ARHGAP6: variants seen among roughly 807,000 people sequenced by gnomAD.
ARHGAP6 encodes the protein Rho GTPase activating protein 6.
Under a neutral mutation model 55.7 loss-of-function variants are expected in ARHGAP6, and 16 were observed. That is an observed-to-expected ratio of 0.29 (90% CI 0.19 to 0.44). ARHGAP6 has a LOEUF of 0.44. ARHGAP6 is among the 20% of genes least tolerant of loss of function. ARHGAP6 has a pLI of 1.00. For missense variants in ARHGAP6, 698 were observed against 808.9 expected (o/e 0.86, Z 1.66); for synonymous variants, 382 against 360.9 (o/e 1.06, Z -0.66).
At position 11,658,589 on chromosome X, in the gene ARHGAP6, A is replaced by G. The variant is rs752493735; in HGVS notation, c.588+5652T>C. On this transcript the variant is annotated intron_variant, in intron 1 of 12. Coordinates refer to ENST00000337414, the MANE Select transcript of ARHGAP6 (RefSeq NM_013427.3). Reference sequence around the variant, plus strand: ...AAATTTAATTCCAGTTTCCATCATTATATATTTACCATTCACTTCTTCCCT... The same window carrying G: ...AAATTTAATTCCAGTTTCCATCATTGTATATTTACCATTCACTTCTTCCCT... Among the ~76,000 whole-genome samples, 10 of 109,045 alleles carry G rather than the reference A, an allele frequency of 9.2e-5. No individual in the cohort carries two copies. In the South Asian group the frequency reaches 1.2e-3, roughly 13 times the overall value. The allele number at this position is 109,045 out of a possible 115,157, so 94.7% of individuals were successfully genotyped here. A position where few individuals can be genotyped will look rare whatever the true frequency, so the allele number is the denominator to read the frequency against.
intron 1 of ARHGAP6, among the ~76,000 whole-genome samples, chrX:11,449,578 A>G (rs1193113374): frequency 8.9e-6 from 1 of 112,404 alleles, no homozygotes; most frequent in Non-Finnish European, 1.9e-5. Flanking sequence ...CTGCCCCTGT[A>G]CATGCCTTCT....
intron 2 of ARHGAP6, among the ~76,000 whole-genome samples, chrX:11,233,382 T>G (rs1295215755): frequency 9.0e-6 from 1 of 111,253 alleles, no homozygotes; most frequent in Non-Finnish European, 1.9e-5. Flanking sequence ...CATACCTGGC[T>G]TTGAAGTGTG....
chrX:11,303,035 T>A (rs926025615), intron 1 of ARHGAP6, among the ~76,000 whole-genome samples: 5 of 112,539 alleles, frequency 4.4e-5, no homozygotes, highest in Admixed American at 2.8e-4. Flanking sequence ...CTGTATTAAT[T>A]GGGAAAAAAT....
At chrX:11,658,576 A>G (rs1444599683) in intron 1 of ARHGAP6, among the ~76,000 whole-genome samples, 1 of 109,326 alleles carries the variant, frequency 9.1e-6, no homozygotes, top group Non-Finnish European at 1.9e-5. Context: ...ATTTAATTCC[A>G]GTTTCCATCA....
intron 10 of ARHGAP6, among the ~76,000 whole-genome samples, chrX:11,144,545 A>G (rs776817331): frequency 2.7e-5 from 3 of 112,698 alleles, no homozygotes; most frequent in Non-Finnish European, 3.7e-5. Flanking sequence ...GGGCATCGCT[A>G]AGTGCCTCAG....
chrX:11,533,277 G>T (rs1415540148), intron 1 of ARHGAP6, among the ~76,000 whole-genome samples: 1 of 109,501 alleles, frequency 9.1e-6, no homozygotes, highest in Non-Finnish European at 1.9e-5. Flanking sequence ...TTTTCAAAAC[G>T]GCTCTATTTT....
rs3030687 is a variant in ARHGAP6 at position 11,230,610 on chromosome X, A to AGTGTGT, written c.748+23932_748+23937dup. On this transcript the variant is annotated intron_variant, in intron 2 of 12. Coordinates refer to ENST00000337414, the MANE Select transcript of ARHGAP6 (RefSeq NM_013427.3). ...GTTTTTGACCTTAAAAGTTATTAGG[A>AGTGTGT]GTGTGTGTGTGTGTGTGTGTGTGTG... 8.2e-3 allele frequency among the ~76,000 whole-genome samples: 807 copies of AGTGTGT among 98,147 alleles called. 6 individuals carry two copies. Among genetic ancestry groups the AGTGTGT allele is most frequent in the Middle Eastern group, 0.041 (8 of 193 alleles). 85.2% of individuals were successfully genotyped at this position (98,147 alleles called of 115,157 possible).
chrX:11,186,141 T>C lies in ARHGAP6; in HGVS notation c.1273+95A>G, dbSNP rs1272716715. On this transcript the variant is annotated intron_variant, in intron 5 of 12. Transcript: ENST00000337414. ...CAGTAAATTTCAGTTCAGAGCTTGA[T>C]CATTTGATCAAGCAGAATTGACATT... 3 of 835,540 alleles carry C rather than the reference T, an allele frequency of 3.6e-6. No individual in the cohort carries two copies. In the African/African-American group the frequency reaches 6.1e-5, roughly 17 times the overall value. The allele number at this position is 835,540 out of a possible 1,213,427, so 68.9% of individuals were successfully genotyped here.
intron 1 of ARHGAP6, among the ~76,000 whole-genome samples, chrX:11,645,357 T>C (rs1034063661): frequency 2.2e-4 from 24 of 110,967 alleles, no homozygotes; most frequent in Non-Finnish European, 4.0e-4. Flanking sequence ...TATGGACTAC[T>C]CAATGCTCCA....
chrX:11,445,560 G>A (rs978926371), intron 1 of ARHGAP6, among the ~76,000 whole-genome samples: 2 of 112,075 alleles, frequency 1.8e-5, no homozygotes, highest in Admixed American at 9.5e-5. Flanking sequence ...GAAGCCTAGG[G>A]CAGCAGCATG....
intron 9 of ARHGAP6, among the ~76,000 whole-genome samples, chrX:11,163,854 G>A (rs1324059656): frequency 8.9e-6 from 1 of 112,266 alleles, no homozygotes; most frequent in African/African-American, 3.2e-5. Context: ...CTCATGGAAC[G>A]ATGTTGGAGG....
At chrX:11,546,795 A>C (rs959678085) in intron 1 of ARHGAP6, among the ~76,000 whole-genome samples, 1 of 112,259 alleles carries the variant, frequency 8.9e-6, no homozygotes, top group Admixed American at 9.5e-5. Flanking sequence ...TCATTCAATA[A>C]AATATTATGC....
At chrX:11,540,919 T>C (rs1039343311) in intron 1 of ARHGAP6, among the ~76,000 whole-genome samples, 3 of 112,522 alleles carry the variant, frequency 2.7e-5, no homozygotes, top group Non-Finnish European at 5.6e-5. Context: ...GCACCAACCA[T>C]GGCAGAAGAA....
chrX:11,635,862 C>T (rs760062839), intron 1 of ARHGAP6, among the ~76,000 whole-genome samples: 7 of 112,093 alleles, frequency 6.2e-5, no homozygotes, highest in Non-Finnish European at 1.3e-4. Flanking sequence ...AAGGATAGGA[C>T]ATATCCCTTG....
intron 1 of ARHGAP6, among the ~76,000 whole-genome samples, chrX:11,483,108 G>A (rs2050474356): frequency 1.8e-5 from 2 of 111,871 alleles, no homozygotes; most frequent in African/African-American, 6.5e-5. Context: ...GCCCTCAGCA[G>A]ATATGAGGGA....
chrX:11,480,139 A>G (rs756291639), intron 1 of ARHGAP6, among the ~76,000 whole-genome samples: 32 of 111,776 alleles, frequency 2.9e-4, no homozygotes, highest in Non-Finnish European at 5.5e-4. Flanking sequence ...CCACACAAAA[A>G]CTTGTGTGTG....
chrX:11,300,689 A>AT, intron 1 of ARHGAP6: 2 of 1,009,510 alleles, frequency 2.0e-6, no homozygotes, highest in Non-Finnish European at 2.8e-6. Flanking sequence ...ATTTTTGCTT[A>AT]TAATCACTTT....
intron 1 of ARHGAP6, among the ~76,000 whole-genome samples, chrX:11,561,615 T>C (rs1431085915): frequency 8.9e-6 from 1 of 112,142 alleles, no homozygotes; most frequent in African/African-American, 3.2e-5. Flanking sequence ...CATTAATAAG[T>C]ATATAAAAAT....
At chrX:11,293,822 G>GT (rs1235212827) in intron 1 of ARHGAP6, among the ~76,000 whole-genome samples, 2 of 112,021 alleles carry the variant, frequency 1.8e-5, no homozygotes, top group South Asian at 3.6e-4. Flanking sequence ...TCCATGAAGT[G>GT]TTTTTTCTCA....
Sources: gnomAD v4.1 joint callset for allele counts (sites outside exome capture counted in the v4.1 genomes callset) on GRCh38, gnomAD v4.1.1 for gene constraint, MANE v1.5 for transcripts, NCBI Gene and HGNC (gene_info 2026-07-23, HGNC 2026-07-21) for gene names.